The following INTU variants were observed in gnomAD, a reference collection of about 807,000 sequenced individuals.
INTU encodes inturned planar cell polarity protein.
A neutral mutation model predicts 100.5 loss-of-function variants in INTU; 68 were observed. The ratio of observed to expected loss-of-function variants is 0.68; its 90% confidence interval spans 0.56 to 0.83. The LOEUF (loss-of-function observed/expected upper bound fraction) is 0.83. Ranked by LOEUF, INTU falls within the 40% of genes least tolerant of loss-of-function variation. The pLI, the probability that INTU is intolerant of heterozygous loss-of-function variation, is 0.00. For synonymous variants in INTU, 357 were observed against 395.7 expected, an observed-to-expected ratio of 0.90 and a Z score of 1.16; for missense variants, 1,071 against 1,114.7, an observed-to-expected ratio of 0.96 and a Z score of 0.56.
chr4:127,704,951 G>T (rs537788224), intron 10 of INTU, among the ~76,000 whole-genome samples: 3 of 152,108 alleles, frequency 2.0e-5, no homozygotes, highest in African/African-American at 7.2e-5. Context: ...AATTATCTGG[G>T]TATGGTGGTG....
At chr4:127,662,192 A>T (rs911445348) in intron 3 of INTU, among the ~76,000 whole-genome samples, 1 of 152,082 alleles carries the variant, frequency 6.6e-6, no homozygotes, top group Non-Finnish European at 1.5e-5. Flanking sequence ...TTTTTGTCAG[A>T]TGCGTAGTTT....
chr4:127,643,730 G>C lies in INTU; in HGVS notation c.356G>C (p.Arg119Thr), dbSNP rs150630801. 42 of 1,608,594 alleles carry C rather than the reference G, an allele frequency of 2.6e-5. No homozygotes were observed. In the African/African-American group the frequency reaches 5.4e-4, roughly 21 times the overall value. The change falls in exon 2 of 16, where the codon AGA becomes ACA. Residue 119 changes from arginine to threonine, a missense_variant. Arg to Thr is a moderately conservative substitution (Grantham distance 71). Coordinates refer to ENST00000335251, the MANE Select transcript of INTU (RefSeq NM_015693.4). ...PKLKQFTKIL[R>T]RKRLLPKRCN... ...CTCAAGCAGTTTACCAAAATTTTAA[G>C]AAGGAAAAGACTTTTACCCAAGCGC...
intron 6 of INTU, among the ~76,000 whole-genome samples, chr4:127,683,643 A>G (rs542348314): frequency 7.9e-5 from 12 of 152,260 alleles, no homozygotes; most frequent in African/African-American, 2.9e-4. Context: ...CACATGATCG[A>G]GGGACATGTG....
intron 6 of INTU, among the ~76,000 whole-genome samples, chr4:127,682,139 C>A (rs969907651): frequency 2.2e-4 from 33 of 152,016 alleles, no homozygotes; most frequent in African/African-American, 6.5e-4. Flanking sequence ...AATAGAAACA[C>A]TTTTACACTG....
Position 127,717,508 on chromosome 4 carries a change from A to C in INTU, c.*1072A>C, listed in dbSNP as rs541307863. The C allele has an allele frequency of 6.6e-6, 1 of 152,326 alleles. No individual in the cohort carries two copies. Among genetic ancestry groups the C allele is most frequent in the Admixed American group, 6.5e-5 (1 of 15,302 alleles). The allele number at this position is 152,326 out of a possible 1,614,324, so 9.4% of individuals were successfully genotyped here. On this transcript the variant is annotated 3_prime_UTR_variant, in exon 16 of 16. Transcript: ENST00000335251. ...TATTACTTTGAGTATAAACCCAGTAATGGGATTGCTGGGTCAAATGGCATT... is the reference window on the plus strand; with the variant it reads ...TATTACTTTGAGTATAAACCCAGTACTGGGATTGCTGGGTCAAATGGCATT...
At chr4:127,709,916 A>G (rs1731032101) in intron 13 of INTU, among the ~76,000 whole-genome samples, 1 of 152,178 alleles carries the variant, frequency 6.6e-6, no homozygotes, top group African/African-American at 2.4e-5. Context: ...TTAGTATTTA[A>G]TGCCTCCAAA....
At chr4:127,700,607 A>T (rs764881686) in intron 9 of INTU, among the ~76,000 whole-genome samples, 18 of 152,212 alleles carry the variant, frequency 1.2e-4, no homozygotes, top group African/African-American at 1.2e-4. Flanking sequence ...ACATCTTGTC[A>T]TATCAGAAAT....
intron 7 of INTU, chr4:127,686,897 C>T (rs1459064067): frequency 6.6e-6 from 1 of 152,060 alleles, no homozygotes; most frequent in Non-Finnish European, 1.5e-5. Flanking sequence ...TTTGATATGC[C>T]GATAGCATAT....
intron 14 of INTU, among the ~76,000 whole-genome samples, chr4:127,712,789 G>T (rs982825203): frequency 5.9e-5 from 9 of 152,226 alleles, no homozygotes; most frequent in African/African-American, 2.2e-4. Context: ...CAAATGCAAA[G>T]CTGCAGAGCA....
chr4:127,724,437 T>A lies in INTU; in HGVS notation c.*8001T>A, dbSNP rs926211624. On this transcript the variant is annotated 3_prime_UTR_variant, in exon 16 of 16. Coordinates refer to ENST00000335251, the MANE Select transcript of INTU (RefSeq NM_015693.4). ...TCCGTCTCAAAAAAAAAAAAAAAAA[T>A]ACTAACTTTTATCTTAGAAATATAG... 2 of 149,352 alleles carry A rather than the reference T, an allele frequency of 1.3e-5. No homozygotes were observed. Among genetic ancestry groups the A allele is most frequent in the African/African-American group, 4.9e-5 (2 of 40,696 alleles). The allele number at this position is 149,352 out of a possible 1,614,324, so 9.3% of individuals were successfully genotyped here. A position where few individuals can be genotyped will look rare whatever the true frequency, so the allele number is the denominator to read the frequency against.
Position 127,714,090 on chromosome 4 carries a change from T to C in INTU, c.2714T>C (p.Val905Ala). 1 of 1,609,010 alleles carries C rather than the reference T, an allele frequency of 6.2e-7. No individual in the cohort carries two copies. The highest frequency in any genetic ancestry group is 8.5e-7 in the Non-Finnish European group (1 of 1,178,550). ...CCACCAGTTATGGCTTACTGGGTAG[T>C]AGGGTAAGTGAGAAAAAAAAGTATT... ...KAPPVMAYWV[V>A]GRLFLHPKPQ... The change falls in exon 15 of 16, where the codon GTA becomes GCA. Residue 905 changes from valine to alanine, a missense_variant. Coordinates refer to ENST00000335251, the MANE Select transcript of INTU (RefSeq NM_015693.4).
intron 3 of INTU, among the ~76,000 whole-genome samples, chr4:127,659,945 C>A (rs73847029): frequency 0.037 from 5,630 of 152,210 alleles, 329 homozygotes; most frequent in African/African-American, 0.12. Flanking sequence ...AATTAGAAAA[C>A]AAACTAGTAA....
Position 127,706,512 on chromosome 4 carries a change from T to C in INTU, c.1814T>C (p.Leu605Ser), listed in dbSNP as rs1201638254. 3 of 1,613,540 alleles carry C rather than the reference T, an allele frequency of 1.9e-6. No homozygotes were observed. The highest frequency in any genetic ancestry group is 2.5e-6 in the Non-Finnish European group (3 of 1,179,630). Residue 605 changes from leucine to serine, a missense_variant, in exon 12 of 16, where the codon TTA (leucine) becomes TCA (serine). Coordinates refer to ENST00000335251, the MANE Select transcript of INTU (RefSeq NM_015693.4). ...GLKHYMLCVL[L>S]EAGGCASKAI... ...AAACATTATATGCTATGTGTACTAT[T>C]AGAAGCTGGAGGTTGCGCATCCAAA...
At chr4:127,665,312 A>G (rs934561753) in intron 4 of INTU, among the ~76,000 whole-genome samples, 1 of 151,040 alleles carries the variant, frequency 6.6e-6, no homozygotes, top group African/African-American at 2.4e-5. Flanking sequence ...TATGTATTTC[A>G]TACAGCTGTA....
At chr4:127,639,926 C>T (rs1242564195) in intron 1 of INTU, among the ~76,000 whole-genome samples, 2 of 152,114 alleles carry the variant, frequency 1.3e-5, no homozygotes, top group Non-Finnish European at 2.9e-5. Context: ...TTACTTAACT[C>T]GGAACTATTC....
At chr4:127,693,307 G>A (rs1312443961) in intron 8 of INTU, among the ~76,000 whole-genome samples, 3 of 151,902 alleles carry the variant, frequency 2.0e-5, no homozygotes, top group Non-Finnish European at 2.9e-5. Flanking sequence ...CCTTGCTTCA[G>A]TATATTCCTA....
chr4:127,725,465 A>T lies in INTU; in HGVS notation c.*9029A>T, dbSNP rs1731404408. The T allele has an allele frequency of 6.6e-6, 1 of 152,194 alleles. No individual in the cohort carries two copies. Among genetic ancestry groups the T allele is most frequent in the Non-Finnish European group, 1.5e-5 (1 of 68,038 alleles). 9.4% of individuals were successfully genotyped at this position (152,194 alleles called of 1,614,324 possible). On this transcript the variant is annotated 3_prime_UTR_variant, in exon 16 of 16. Transcript: ENST00000335251. ...TTTATTAAATGTCTTAAATTTCTGG[A>T]TATGTCCCTGAAAATACCATGAACT...
At chr4:127,676,908 T>C (rs1729227826) in intron 6 of INTU, among the ~76,000 whole-genome samples, 1 of 152,110 alleles carries the variant, frequency 6.6e-6, no homozygotes, top group African/African-American at 2.4e-5. Flanking sequence ...ATACTGCGCT[T>C]TCCCAACAGG....
At chr4:127,665,917 G>A (rs1728676319) in intron 4 of INTU, among the ~76,000 whole-genome samples, 1 of 152,114 alleles carries the variant, frequency 6.6e-6, no homozygotes, top group Admixed American at 6.5e-5. Flanking sequence ...GTGAATACGT[G>A]GGATTGCTTG....
Sources: gnomAD v4.1 joint callset for allele counts (sites outside exome capture counted in the v4.1 genomes callset) on GRCh38, gnomAD v4.1.1 for gene constraint, MANE v1.5 for transcripts, NCBI Gene and HGNC (gene_info 2026-07-23, HGNC 2026-07-21) for gene names.